The following PCNT variants were observed in gnomAD, a reference collection of about 807,000 sequenced individuals.
The protein encoded by PCNT is pericentrin, also known as kendrin.
Under a neutral mutation model 380.4 loss-of-function variants are expected in PCNT, and 319 were observed. The observed-to-expected ratio is 0.84, with a 90% CI of 0.77 to 0.92. The LOEUF (loss-of-function observed/expected upper bound fraction) is 0.92, where lower values mean the gene tolerates loss of function less well. Among genes scored for constraint, PCNT ranks in the 40% least tolerant of loss-of-function variants. The pLI, the probability that PCNT is intolerant of heterozygous loss-of-function variation, is 0.00. For missense variants in PCNT, 4,400 were observed against 4,255.3 expected (o/e 1.03, Z -0.95); for synonymous variants, 1,845 against 1,735.2 (o/e 1.06, Z -1.57).
chr21:46,411,190 T>A lies in PCNT; in HGVS notation c.5117T>A (p.Val1706Asp). ...ELEEENTSLK[V>D]IYTRSSEIEE... ...CTCTGAAATGTCCTCTCTCTTCAGG[T>A]CATATATACCAGAAGTTCTGAGATT... is the stretch of plus-strand genomic sequence containing the variant. Residue 1706 changes from valine (V) to aspartate (D), a missense_variant and splice_region_variant, in exon 28 of 47, where the codon GTC becomes GAC. Physicochemically the swap from Val to Asp is radical, Grantham distance 152. Transcript: ENST00000359568. The A allele has an allele frequency of 6.2e-7, 1 of 1,613,798 alleles. No individual in the cohort carries two copies.
chr21:46,392,352 TG>T (rs1456532364), intron 21 of PCNT, among the ~76,000 whole-genome samples: 1 of 152,144 alleles, frequency 6.6e-6, no homozygotes, highest in African/African-American at 2.4e-5. Flanking sequence ...CCCAAGTAGC[TG>T]GGATTACAGG....
rs2084344265 is a variant in PCNT, at chr21:46,353,296, A to T, written c.1649A>T (p.Glu550Val). 1 of 1,614,042 alleles carries T rather than the reference A, an allele frequency of 6.2e-7. No individual in the cohort carries two copies. Among genetic ancestry groups the T allele is most frequent in the African/African-American group, 1.3e-5 (1 of 74,926 alleles). ...CAGCAGAGGCTGCAGGGGGCGAGGG[A>T]AGATGCTCTTCTGGACTCTGTGGAA... is the stretch of plus-strand genomic sequence containing the variant. ...LLQQRLQGAR[E>V]DALLDSVEVG... The change falls in exon 10 of 47, where the codon GAA becomes GTA. Residue 550 changes from glutamate to valine, a missense_variant. Coordinates refer to ENST00000359568, the MANE Select transcript of PCNT (RefSeq NM_006031.6).
At chr21:46,354,131 T>G (rs1156329033) in intron 11 of PCNT, 63 bp downstream of exon 11, 10 of 1,371,678 alleles carry the variant, frequency 7.3e-6, no homozygotes, top group African/African-American at 1.4e-5. Context: ...GCCCTGCGTC[T>G]TCCACATTAT....
At chr21:46,364,807 C>A (rs1282327633) in intron 14 of PCNT, among the ~76,000 whole-genome samples, 1 of 152,218 alleles carries the variant, frequency 6.6e-6, no homozygotes, top group Non-Finnish European at 1.5e-5. Flanking sequence ...AACTCACGTT[C>A]AGGTCGCTGG....
rs751207371 is a variant in PCNT at position 46,435,919 on chromosome 21, C to T, written c.8767C>T (p.Gln2923Ter). Reference sequence around the variant, plus strand: ...TTAACAACAGCGAGAATTAGAACTGCAGCGTCAGCGTGACTTGCATAAGAT... The same window carrying T: ...TTAACAACAGCGAGAATTAGAACTGTAGCGTCAGCGTGACTTGCATAAGAT... ...DKEKLRELEL[Q>*]RQRDLHKIKQ... Residue 2923 changes from glutamine to a stop codon, truncating the protein, a stop_gained, in exon 39 of 47, where the codon CAG becomes TAG. Coordinates refer to ENST00000359568, the MANE Select transcript of PCNT (RefSeq NM_006031.6). LOFTEE classifies it high-confidence loss of function. 1.2e-6 allele frequency: 2 copies of T among 1,614,202 alleles called. No individual in the cohort carries two copies. The highest frequency in any genetic ancestry group is 1.1e-5 in the South Asian group (1 of 91,086).
At chr21:46,418,902 TTGTC>T (rs1477249436) in intron 31 of PCNT, among the ~76,000 whole-genome samples, 1 of 152,156 alleles carries the variant, frequency 6.6e-6, no homozygotes, top group African/African-American at 2.4e-5. Context: ...ACTTGGGCCT[TTGTC>T]TGTGATGGTG....
rs1322820461 is a variant in PCNT, at chr21:46,395,801, C to G, written c.4217-1464C>G. On this transcript the variant is annotated intron_variant, in intron 21 of 46. Coordinates refer to ENST00000359568, the MANE Select transcript of PCNT (RefSeq NM_006031.6). ...AGACTTCAGGATTCGGCAGCAGAGA[C>G]TCCATCTCAGAAATAATAGTAATAA... is the stretch of plus-strand genomic sequence containing the variant. Among the ~76,000 whole-genome samples, 5 of 151,790 alleles carry G rather than the reference C, an allele frequency of 3.3e-5. No homozygotes were observed. The East Asian group carries it at 7.7e-4, about 23-fold the overall frequency.
At position 46,357,082 on chromosome 21, in the gene PCNT, C is replaced by A. The variant is rs758904995; in HGVS notation, c.2045C>A (p.Ser682Ter). 2 of 1,613,858 alleles carry A rather than the reference C, an allele frequency of 1.2e-6. No individual in the cohort carries two copies. The highest frequency in any genetic ancestry group is 1.7e-6 in the Non-Finnish European group (2 of 1,179,738). Residue 682 changes from serine to a stop codon, truncating the protein, a stop_gained, in exon 13 of 47, where the codon TCG becomes TAG. Coordinates refer to ENST00000359568, the MANE Select transcript of PCNT (RefSeq NM_006031.6). LOFTEE classifies it high-confidence loss of function. ...GAAACTGAGCACAAGGTGCAACTTT[C>A]GCTTCTTCAGACTGAGCTCAAAGAA... is the stretch of plus-strand genomic sequence containing the variant. ...GLETEHKVQL[S>*]LLQTELKEEI...
At chr21:46,401,984 G>A (rs1302700572) in intron 26 of PCNT, among the ~76,000 whole-genome samples, 4 of 152,174 alleles carry the variant, frequency 2.6e-5, no homozygotes, top group African/African-American at 9.7e-5. Flanking sequence ...CCGAGTAGCT[G>A]GGATTACAGG....
chr21:46,435,840 C>T, intron 38 of PCNT, 64 bp from the exon 39 acceptor site: 1 of 1,605,458 alleles, frequency 6.2e-7, no homozygotes, highest in Non-Finnish European at 8.5e-7. Context: ...CCGCGCCCGG[C>T]CGGCAGTTTT....
At chr21:46,392,059 C>T (rs968681510) in intron 21 of PCNT, among the ~76,000 whole-genome samples, 1 of 152,198 alleles carries the variant, frequency 6.6e-6, no homozygotes, top group Admixed American at 6.5e-5. Flanking sequence ...GGCACCACCT[C>T]AGCCAATTCA....
Position 46,431,814 on chromosome 21 carries a change from A to G in PCNT, c.8350A>G (p.Thr2784Ala), listed in dbSNP as rs1398797872. 4.3e-6 allele frequency: 7 copies of G among 1,613,766 alleles called. No homozygotes were observed. Among genetic ancestry groups the G allele is most frequent in the Non-Finnish European group, 5.9e-6 (7 of 1,180,026 alleles). ...RTQEACVHQD[T>A]QAHHALLQKL... Reference sequence around the variant, plus strand: ...ACAGGAGGCTTGCGTGCACCAGGACACACAGGCCCATCACGCTCTGCTGCA... The same window carrying G: ...ACAGGAGGCTTGCGTGCACCAGGACGCACAGGCCCATCACGCTCTGCTGCA... The change falls in exon 38 of 47, where the codon ACA (threonine) becomes GCA (alanine). Residue 2784 changes from threonine (T) to alanine (A), a missense_variant. Thr to Ala is a moderately conservative substitution (Grantham distance 58). Coordinates refer to ENST00000359568, the MANE Select transcript of PCNT (RefSeq NM_006031.6).
At chr21:46,394,629 C>T (rs1027014659) in intron 21 of PCNT, 1 of 428,192 alleles carries the variant, frequency 2.3e-6, no homozygotes, top group African/African-American at 2.1e-5. Context: ...TACTTCAGAC[C>T]TTTTGTGGCA....
At chr21:46,326,816 C>G (rs1362604424) in intron 2 of PCNT, among the ~76,000 whole-genome samples, 1 of 152,070 alleles carries the variant, frequency 6.6e-6, no homozygotes, top group Non-Finnish European at 1.5e-5. Flanking sequence ...GAGTTCCAGA[C>G]CAGCCTGGCC....
At chr21:46,330,449 A>G (rs1166741297) in intron 2 of PCNT, among the ~76,000 whole-genome samples, 3 of 152,226 alleles carry the variant, frequency 2.0e-5, no homozygotes, top group Non-Finnish European at 4.4e-5. Flanking sequence ...ATGTATAGGT[A>G]AACTAAGTAG....
rs190483924 is a variant in PCNT, at chr21:46,362,215, G to C, written c.2155-1265G>C. Reference sequence around the variant, plus strand: ...GTACAGATCGGGGTCAGCCTGAGACGTGGGCGGGTTCCTTCCCAGGCGTTG... The same window carrying C: ...GTACAGATCGGGGTCAGCCTGAGACCTGGGCGGGTTCCTTCCCAGGCGTTG... On this transcript the variant is annotated intron_variant, in intron 13 of 46. Coordinates refer to ENST00000359568, the MANE Select transcript of PCNT (RefSeq NM_006031.6). Among the ~76,000 whole-genome samples the C allele has an allele frequency of 5.9e-5, 9 of 152,310 alleles. No homozygotes were observed. The East Asian group carries it at 1.5e-3, about 26-fold the overall frequency.
intron 15 of PCNT, among the ~76,000 whole-genome samples, chr21:46,379,090 G>T (rs1484973402): frequency 6.6e-6 from 1 of 152,214 alleles, no homozygotes; most frequent in African/African-American, 2.4e-5. Flanking sequence ...TGCTAGTGAT[G>T]AATCCTCTTA....
Position 46,338,693 on chromosome 21 carries a change from C to T in PCNT, c.639+3925C>T, listed in dbSNP as rs139461024. Among the ~76,000 whole-genome samples, 13 of 151,672 alleles carry T rather than the reference C, an allele frequency of 8.6e-5. No individual in the cohort carries two copies. In the East Asian group the frequency reaches 2.3e-3, roughly 27 times the overall value. On this transcript the variant is annotated intron_variant, in intron 3 of 46. Coordinates refer to ENST00000359568, the MANE Select transcript of PCNT (RefSeq NM_006031.6). ...TGATCTCGGCTCACTATAACCTCTG[C>T]CTCCTGGGCTCAAGCGATTCTCCTG...
intron 46 of PCNT, 37 bp from the exon 47 acceptor site, chr21:46,445,247 G>A: frequency 6.8e-7 from 1 of 1,479,100 alleles, no homozygotes. Context: ...GTGAAGCCTT[G>A]TAACCAATTT....
Sources: gnomAD v4.1 joint callset for allele counts (sites outside exome capture counted in the v4.1 genomes callset) on GRCh38, gnomAD v4.1.1 for gene constraint, MANE v1.5 for transcripts, NCBI Gene and HGNC (gene_info 2026-07-23, HGNC 2026-07-21) for gene names.